The following PARP14 variants were observed in gnomAD, a reference collection of about 807,000 sequenced individuals.
The protein encoded by PARP14 is protein mono-ADP-ribosyltransferase PARP14.
In PARP14, 59 loss-of-function variants were observed where a neutral mutation model predicts 154.2. The ratio of observed to expected loss-of-function variants is 0.38; its 90% confidence interval spans 0.31 to 0.48. The LOEUF (loss-of-function observed/expected upper bound fraction) is 0.48. Among genes scored for constraint, PARP14 ranks in the 20% least tolerant of loss-of-function variants. PARP14 has a pLI of 0.98. For missense variants in PARP14, 1,734 were observed against 2,131.6 expected, an observed-to-expected ratio of 0.81 and a Z score of 3.67; for synonymous variants, 720 against 780.5, an observed-to-expected ratio of 0.92 and a Z score of 1.29.
chr3:122,703,694 A>T, intron 6 of PARP14, 48 bp from the exon 7 acceptor site: 1 of 1,145,136 alleles, frequency 8.7e-7, no homozygotes, highest in Non-Finnish European at 1.2e-6. Flanking sequence ...ATCATTGATG[A>T]ATGCTTTTTG....
chr3:122,681,742 T>A lies in PARP14; in HGVS notation c.187+672T>A, dbSNP rs1212277849. Among the ~76,000 whole-genome samples the A allele has an allele frequency of 6.6e-6, 1 of 152,066 alleles. No individual in the cohort carries two copies. Among genetic ancestry groups the A allele is most frequent in the East Asian group, 1.9e-4 (1 of 5,172 alleles). On this transcript the variant is annotated intron_variant, in intron 1 of 16. Transcript: ENST00000474629. This position sits in a 1 kb window ranked among gnomAD's most constrained non-coding sequence, Gnocchi z 5.5. Reference sequence around the variant, plus strand: ...TCTGAAGTGATTGTGGGTTGGGAGATTTGAGCTTTGGAGGGAAAGTCGGCA... The same window carrying A: ...TCTGAAGTGATTGTGGGTTGGGAGAATTGAGCTTTGGAGGGAAAGTCGGCA...
chr3:122,707,207 T>A (rs961790240), intron 8 of PARP14, among the ~76,000 whole-genome samples: 3 of 151,292 alleles, frequency 2.0e-5, no homozygotes, highest in Non-Finnish European at 1.5e-5. Context: ...TCACCTGAGG[T>A]CAGGAGAACA....
intron 4 of PARP14, among the ~76,000 whole-genome samples, chr3:122,694,915 G>T (rs1460392812): frequency 6.6e-6 from 1 of 152,020 alleles, no homozygotes; most frequent in Non-Finnish European, 1.5e-5. Context: ...GCAGGAAATT[G>T]TATACACAAA....
intron 15 of PARP14, among the ~76,000 whole-genome samples, chr3:122,725,111 C>A (rs542677497): frequency 2.0e-5 from 3 of 152,168 alleles, no homozygotes; most frequent in African/African-American, 7.2e-5. Flanking sequence ...CTTTTCTTTT[C>A]GACAAAACTG....
chr3:122,704,454 T>C, intron 7 of PARP14, 73 bp from the exon 8 acceptor site: 1 of 936,256 alleles, frequency 1.1e-6, no homozygotes, highest in South Asian at 1.6e-5. Context: ...ACAAAGTTGC[T>C]AAATTCTTGT....
Position 122,720,293 on chromosome 3 carries a change from A to G in PARP14, c.4846A>G (p.Asn1616Asp). The stretch of plus-strand genomic sequence containing the variant: ...ACACTGGAGTGATATGAAGCAGCAG[A>G]ATTTCTGTGTGGTGGAGCTGCTGCC... ...PAHWSDMKQQ[N>D]FCVVELLPSD... The change falls in exon 15 of 17, where the codon AAT (asparagine) becomes GAT (aspartate). Residue 1616 changes from asparagine to aspartate, a missense_variant. Coordinates refer to ENST00000474629, the MANE Select transcript of PARP14 (RefSeq NM_017554.3). 6.2e-7 allele frequency: 1 copy of G among 1,613,336 alleles called. No homozygotes were observed. The highest frequency in any genetic ancestry group is 8.5e-7 in the Non-Finnish European group (1 of 1,179,602).
intron 15 of PARP14, chr3:122,720,734 AC>A: frequency 2.2e-6 from 1 of 464,722 alleles, no homozygotes; most frequent in Non-Finnish European, 4.3e-6. Flanking sequence ...TTAGATCAGG[AC>A]CATGTTACTC....
At chr3:122,686,152 TTTTA>T (rs1368362891) in intron 2 of PARP14, among the ~76,000 whole-genome samples, 3 of 152,288 alleles carry the variant, frequency 2.0e-5, no homozygotes, top group Non-Finnish European at 4.4e-5. Flanking sequence ...TTTGTATTTG[TTTTA>T]TTTATTTCTT....
In PARP14 at chr3:122,729,807, C is replaced by A. The variant is rs1014895473; in HGVS notation, c.*1210C>A. On this transcript the variant is annotated 3_prime_UTR_variant, in exon 17 of 17. Transcript: ENST00000474629. Reference sequence around the variant, plus strand: ...CTGCTACACATCTTCATTGTGAAACCCTTCCCCTGTGCTGAGATTAAATGA... The same window carrying A: ...CTGCTACACATCTTCATTGTGAAACACTTCCCCTGTGCTGAGATTAAATGA... 1 of 152,074 alleles carries A rather than the reference C, an allele frequency of 6.6e-6. No homozygotes were observed. The allele number at this position is 152,074 out of a possible 1,614,324, so 9.4% of individuals were successfully genotyped here. A position where few individuals can be genotyped will look rare whatever the true frequency, so the allele number is the denominator to read the frequency against.
chr3:122,724,755 G>A (rs1033687032), intron 15 of PARP14, among the ~76,000 whole-genome samples: 6 of 151,864 alleles, frequency 4.0e-5, no homozygotes, highest in South Asian at 4.2e-4. Flanking sequence ...AGATAAACAC[G>A]TGAATAAAGG....
chr3:122,709,521 T>C (rs911174251), intron 9 of PARP14, among the ~76,000 whole-genome samples: 1 of 152,224 alleles, frequency 6.6e-6, no homozygotes, highest in African/African-American at 2.4e-5. Context: ...TGTATGTTTT[T>C]TCATATAATG....
chr3:122,727,966 G>A lies in PARP14; in HGVS notation c.5096G>A (p.Arg1699His), dbSNP rs778374317. The change falls in exon 16 of 17, where the codon CGC becomes CAC. Residue 1699 changes from arginine (R) to histidine (H), a missense_variant. By Grantham distance (29) the Arg-to-His change is conservative (BLOSUM62 0). Transcript: ENST00000474629. ...CACGTCAATCGAAATGGCTTTAACCGCAGCTATGCCGGAAAGAATGGTAAG... is the reference window on the plus strand; with the variant it reads ...CACGTCAATCGAAATGGCTTTAACCACAGCTATGCCGGAAAGAATGGTAAG... ...VPHVNRNGFNRSYAGKNAVAY... is the reference protein window; with the variant it reads ...VPHVNRNGFNHSYAGKNAVAY... 3.1e-6 allele frequency: 5 copies of A among 1,610,738 alleles called. No homozygotes were observed. Among genetic ancestry groups the A allele is most frequent in the East Asian group, 2.2e-5 (1 of 44,832 alleles).
chr3:122,718,546 A>C lies in PARP14; in HGVS notation c.4395A>C (p.Lys1465Asn). 6.2e-7 allele frequency: 1 copy of C among 1,613,928 alleles called. No homozygotes were observed. Among genetic ancestry groups the C allele is most frequent in the Non-Finnish European group, 8.5e-7 (1 of 1,179,814 alleles). ...CPYTSEDECI[K>N]DFDEKEYQEL... is the part of the protein sequence containing the mutation. ...ACACCAGTGAAGATGAGTGCATCAAAGACTTTGATGAAAAGGAGTATCAGG... is the reference window on the plus strand; with the variant it reads ...ACACCAGTGAAGATGAGTGCATCAACGACTTTGATGAAAAGGAGTATCAGG... Residue 1465 changes from lysine (K) to asparagine (N), a missense_variant, in exon 14 of 17, where the codon AAA becomes AAC. Around this residue, in one of 2 missense-constraint regions of PARP14, gnomAD observed 1,646 missense variants for 1,976.0 expected, o/e 0.83. Coordinates refer to ENST00000474629, the MANE Select transcript of PARP14 (RefSeq NM_017554.3).
At position 122,701,342 on chromosome 3, in the gene PARP14, T is replaced by G; in HGVS notation, c.2788T>G (p.Leu930Val). ...AISSGVFGFPLGRCVETIVSA... is the reference protein window; with the variant it reads ...AISSGVFGFPVGRCVETIVSA... ...TAGTTCTGGAGTCTTTGGCTTTCCC[T>G]TAGGCCGATGCGTGGAGACCATTGT... Residue 930 changes from leucine (L) to valine (V), a missense_variant, in exon 6 of 17, where the codon TTA (leucine) becomes GTA (valine). Transcript: ENST00000474629. This position sits in a 1 kb window ranked among gnomAD's most constrained non-coding sequence, Gnocchi z 4.0. The G allele has an allele frequency of 6.2e-7, 1 of 1,614,090 alleles. No homozygotes were observed.
intron 15 of PARP14, chr3:122,720,946 A>T (rs1933152203): frequency 5.6e-6 from 2 of 358,372 alleles, no homozygotes; most frequent in Non-Finnish European, 1.1e-5. Context: ...GCTCTCAAAT[A>T]AAAACAACCA....
At chr3:122,684,939 A>G (rs1938322664) in intron 1 of PARP14, among the ~76,000 whole-genome samples, 1 of 152,222 alleles carries the variant, frequency 6.6e-6, no homozygotes, top group Admixed American at 6.5e-5. Context: ...AATAGACAAG[A>G]AAACTGAGGC....
At chr3:122,727,664 G>T in intron 15 of PARP14, 148 bp from the exon 16 acceptor site, 2 of 487,270 alleles carry the variant, frequency 4.1e-6, no homozygotes. Flanking sequence ...GATCTAAAAA[G>T]GTTTCTGAAT....
At chr3:122,726,817 T>C (rs1027500834) in intron 15 of PARP14, among the ~76,000 whole-genome samples, 3 of 151,532 alleles carry the variant, frequency 2.0e-5, no homozygotes, top group Non-Finnish European at 4.4e-5. Flanking sequence ...TAAGATAAAA[T>C]GTAAGGTAAA....
rs1462187266 is a variant in PARP14 at position 122,704,116 on chromosome 3, G to T, written c.3318+138G>T. 7 of 647,536 alleles carry T rather than the reference G, an allele frequency of 1.1e-5. No homozygotes were observed. In the African/African-American group the frequency reaches 1.3e-4, roughly 12 times the overall value. The allele number at this position is 647,536 out of a possible 1,614,324, so 40.1% of individuals were successfully genotyped here. A position where few individuals can be genotyped will look rare whatever the true frequency, so the allele number is the denominator to read the frequency against. ...TCACTCTTTTGGCAGATTCCATCAT[G>T]TGGCCATTTCTTTCAGCTGTAGCTG... On this transcript the variant is annotated intron_variant, in intron 7 of 16. Coordinates refer to ENST00000474629, the MANE Select transcript of PARP14 (RefSeq NM_017554.3).
Sources: allele counts gnomAD v4.1 joint callset (sites outside exome capture counted in the v4.1 genomes callset), GRCh38; gene constraint gnomAD v4.1.1; regional missense constraint gnomAD v4.1.1; non-coding constraint Gnocchi (gnomAD v3.1); transcripts MANE v1.5; gene names NCBI Gene and HGNC (gene_info 2026-07-23, HGNC 2026-07-21).